The following MTMR7 variants were observed in gnomAD, a reference collection of about 807,000 sequenced individuals.
MTMR7 encodes the protein myotubularin related protein 7.
MTMR7 carries 76 observed loss-of-function variants against 81.2 expected under a neutral mutation model. The observed-to-expected ratio is 0.94, with a 90% confidence interval of 0.78 to 1.13. The LOEUF (loss-of-function observed/expected upper bound fraction) is 1.13. MTMR7 is among the 50% of genes most tolerant of loss of function. The pLI is 0.00. For synonymous variants in MTMR7, 372 were observed against 289.8 expected (o/e 1.28, Z -2.88); for missense variants, 1,044 against 820.0 (o/e 1.27, Z -3.34).
At chr8:17,380,113 T>C (rs1820714960) in intron 1 of MTMR7, among the ~76,000 whole-genome samples, 1 of 152,058 alleles carries the variant, frequency 6.6e-6, no homozygotes, top group African/African-American at 2.4e-5. Context: ...ACTGTGAAAA[T>C]GCAAACCTCC....
intron 6 of MTMR7, among the ~76,000 whole-genome samples, chr8:17,338,418 G>C (rs1350380435): frequency 6.6e-6 from 1 of 152,034 alleles, no homozygotes; most frequent in East Asian, 1.9e-4. Flanking sequence ...ATTTAAATCT[G>C]AAAAAAACAG....
chr8:17,305,624 ATAAAAC>A (rs765759139), intron 11 of MTMR7, 127 bp downstream of exon 11: 4 of 693,976 alleles, frequency 5.8e-6, no homozygotes, highest in Non-Finnish European at 9.3e-6. Flanking sequence ...GAAAAAGAAA[ATAAAAC>A]TAATCTGTCA....
At chr8:17,386,106 T>G (rs1010746611) in intron 1 of MTMR7, among the ~76,000 whole-genome samples, 3 of 152,192 alleles carry the variant, frequency 2.0e-5, no homozygotes, top group African/African-American at 7.2e-5. Flanking sequence ...CCAGGAGCAG[T>G]GGCTCACACT....
At chr8:17,364,850 T>A (rs1820178112) in intron 3 of MTMR7, among the ~76,000 whole-genome samples, 1 of 152,256 alleles carries the variant, frequency 6.6e-6, no homozygotes, top group African/African-American at 2.4e-5. Flanking sequence ...ACAACGTGGC[T>A]ACTGTGAATA....
At chr8:17,304,767 GTT>G (rs1554504617) in intron 11 of MTMR7, among the ~76,000 whole-genome samples, 1 of 145,036 alleles carries the variant, frequency 6.9e-6, no homozygotes, top group Non-Finnish European at 1.5e-5. Context: ...GTGTGTGTGT[GTT>G]AAGCTGTTCT....
chr8:17,362,881 G>C (rs763093350), intron 3 of MTMR7, among the ~76,000 whole-genome samples: 3 of 152,188 alleles, frequency 2.0e-5, no homozygotes, highest in Non-Finnish European at 4.4e-5. Context: ...TCAAACTTGA[G>C]ATGACTCATC....
intron 6 of MTMR7, among the ~76,000 whole-genome samples, chr8:17,338,183 G>A (rs957585506): frequency 6.6e-6 from 1 of 152,240 alleles, no homozygotes; most frequent in Admixed American, 6.5e-5. Context: ...GGCATGGCTT[G>A]TACGAAACCC....
chr8:17,304,694 A>C (rs748048777), intron 11 of MTMR7, among the ~76,000 whole-genome samples, 175 bp from the exon 12 acceptor site: 6 of 150,596 alleles, frequency 4.0e-5, no homozygotes, highest in Non-Finnish European at 8.8e-5. Flanking sequence ...AGAACACTGT[A>C]ATAATCTCAA....
chr8:17,406,195 C>T (rs1217332896), intron 1 of MTMR7, among the ~76,000 whole-genome samples: 1 of 151,976 alleles, frequency 6.6e-6, no homozygotes, highest in Non-Finnish European at 1.5e-5. Flanking sequence ...CAAGAGACAT[C>T]AAAACAGTGA....
chr8:17,341,802 T>C (rs866488488), intron 5 of MTMR7, among the ~76,000 whole-genome samples: 5 of 152,326 alleles, frequency 3.3e-5, no homozygotes, highest in Middle Eastern at 3.4e-3. Context: ...TTCACTGATA[T>C]TGCTTCATTT....
intron 3 of MTMR7, among the ~76,000 whole-genome samples, chr8:17,362,914 G>C (rs1820100895): frequency 6.6e-6 from 1 of 152,250 alleles, no homozygotes; most frequent in East Asian, 1.9e-4. Context: ...GAAAGATAAG[G>C]GTCATATTTT....
rs56151155 is a variant in MTMR7 at position 17,327,641 on chromosome 8, TAAAAA to T, written c.865+3504_865+3508del. Among the ~76,000 whole-genome samples the T allele has an allele frequency of 2.5e-3, 371 of 148,728 alleles. 4 individuals are homozygous for T. The highest frequency in any genetic ancestry group is 8.2e-3 in the African/African-American group (339 of 41,146). On this transcript the variant is annotated intron_variant, in intron 7 of 13. Transcript: ENST00000180173. ...TAGTCCCTAAGAGGAAGAAACCTGG[TAAAAA>T]AAAAAACTATCTCTAAACCAAATAT...
chr8:17,407,393 G>A (rs1821618529), intron 1 of MTMR7, among the ~76,000 whole-genome samples: 1 of 152,102 alleles, frequency 6.6e-6, no homozygotes, highest in Admixed American at 6.5e-5. Context: ...TAATGAAAGT[G>A]TTAAATGACA....
At position 17,361,087 on chromosome 8, in the gene MTMR7, G is replaced by A. The variant is rs201623325; in HGVS notation, c.468+30C>T. ...GCTGGCTGAAACCCTAATTTCATGC[G>A]GCTTCAGTGTTTGGGTTTCACGCAC... On this transcript the variant is annotated intron_variant, in intron 4 of 13. Coordinates refer to ENST00000180173, the MANE Select transcript of MTMR7 (RefSeq NM_004686.5). 19 of 1,611,884 alleles carry A rather than the reference G, an allele frequency of 1.2e-5. No individual in the cohort carries two copies. The Middle Eastern group carries it at 9.9e-4, about 84-fold the overall frequency.
In MTMR7 at chr8:17,298,901, A is replaced by G. The variant is rs188274439; in HGVS notation, c.*961T>C. On this transcript the variant is annotated 3_prime_UTR_variant, in exon 14 of 14. Coordinates refer to ENST00000180173, the MANE Select transcript of MTMR7 (RefSeq NM_004686.5). ...ATTAAACCATATTAGCCAGTTACAT[A>G]ATTTCTAAAATGATAGATTACAAAA... 1 of 152,236 alleles carries G rather than the reference A, an allele frequency of 6.6e-6. No homozygotes were observed. The highest frequency in any genetic ancestry group is 1.5e-5 in the Non-Finnish European group (1 of 68,026). The allele number at this position is 152,236 out of a possible 1,614,324, so 9.4% of individuals were successfully genotyped here. A position where few individuals can be genotyped will look rare whatever the true frequency, so the allele number is the denominator to read the frequency against.
intron 1 of MTMR7, among the ~76,000 whole-genome samples, chr8:17,377,490 A>G (rs1028113463): frequency 9.2e-5 from 14 of 151,940 alleles, no homozygotes; most frequent in Non-Finnish European, 1.5e-5. Flanking sequence ...CAGGTGTTGG[A>G]TATATCAACT....
intron 1 of MTMR7, among the ~76,000 whole-genome samples, chr8:17,408,693 A>G (rs1821663113): frequency 6.6e-6 from 1 of 152,186 alleles, no homozygotes. Flanking sequence ...GCAGATGTGT[A>G]TCAGCATCCA....
intron 11 of MTMR7, among the ~76,000 whole-genome samples, chr8:17,305,120 G>C (rs1324740745): frequency 1.3e-5 from 2 of 151,996 alleles, no homozygotes; most frequent in African/African-American, 4.8e-5. Context: ...AAACAAACTA[G>C]TATCCACTAC....
In MTMR7 at chr8:17,313,364, C is replaced by T; in HGVS notation, c.903G>A (p.Leu301=). The change falls in exon 8 of 14, where the codon CTG becomes CTA. Residue 301 remains leucine (L), a synonymous_variant. Coordinates refer to ENST00000180173, the MANE Select transcript of MTMR7 (RefSeq NM_004686.5). ...ELKSPSMSDF[L]WGLENSGWLR... ...ACCAGCCAGAGTTCTCCAGACCCCA[C>T]AGGAAATCACTCATGGAGGGAGATT... The T allele has an allele frequency of 6.2e-7, 1 of 1,612,780 alleles. No homozygotes were observed. The highest frequency in any genetic ancestry group is 8.5e-7 in the Non-Finnish European group (1 of 1,179,030).
Sources: allele counts gnomAD v4.1 joint callset (sites outside exome capture counted in the v4.1 genomes callset), GRCh38; gene constraint gnomAD v4.1.1; transcripts MANE v1.5; gene names NCBI Gene and HGNC (gene_info 2026-07-23, HGNC 2026-07-21).